MYT1L: variants seen among roughly 807,000 people sequenced by gnomAD.
The protein encoded by MYT1L is myelin transcription factor 1-like protein.
A neutral mutation model predicts 126.7 loss-of-function variants in MYT1L; 12 were observed. The observed-to-expected ratio is 0.09, with a 90% confidence interval of 0.06 to 0.15. The LOEUF is 0.15. Ranked by LOEUF, MYT1L falls within the 10% of genes least tolerant of loss-of-function variation. The pLI, the probability that MYT1L is intolerant of heterozygous loss-of-function variation, is 1.00. For missense variants in MYT1L, 979 were observed against 1,585.2 expected (o/e 0.62, Z 6.49); for synonymous variants, 541 against 604.2 (o/e 0.90, Z 1.53).
chr2:2,281,566 T>C (rs1184924267), intron 2 of MYT1L, among the ~76,000 whole-genome samples: 1 of 152,234 alleles, frequency 6.6e-6, no homozygotes, highest in African/African-American at 2.4e-5. Flanking sequence ...TATAGAGATT[T>C]AGCAGACTTA....
At chr2:1,802,535 T>C (rs1255232526) in intron 22 of MYT1L, among the ~76,000 whole-genome samples, 1 of 152,232 alleles carries the variant, frequency 6.6e-6, no homozygotes, top group Admixed American at 6.5e-5. Context: ...GCCAGAATGA[T>C]GACCTCGGCC....
chr2:1,981,256 A>T (rs1283153091), intron 5 of MYT1L, among the ~76,000 whole-genome samples: 2 of 152,212 alleles, frequency 1.3e-5, no homozygotes, highest in African/African-American at 4.8e-5. Context: ...ATAAAAACAT[A>T]AGCTCATTTA....
intron 3 of MYT1L, among the ~76,000 whole-genome samples, chr2:2,167,434 T>A (rs1447540356): frequency 6.6e-6 from 1 of 152,190 alleles, no homozygotes; most frequent in African/African-American, 2.4e-5. Flanking sequence ...CAACTTCTCC[T>A]GGACTCTGTC....
intron 19 of MYT1L, among the ~76,000 whole-genome samples, chr2:1,844,221 A>C (rs2042209530): frequency 6.6e-6 from 1 of 152,090 alleles, no homozygotes; most frequent in African/African-American, 2.4e-5. Context: ...CCCCTTCAGC[A>C]CTGAACACCC....
chr2:2,111,182 C>T (rs549426578), intron 3 of MYT1L, among the ~76,000 whole-genome samples: 9 of 152,190 alleles, frequency 5.9e-5, no homozygotes, highest in Non-Finnish European at 1.3e-4. Context: ...TAGCCCTGCT[C>T]ACTGGTCCCT....
At chr2:2,227,504 G>A (rs1477066345) in intron 2 of MYT1L, among the ~76,000 whole-genome samples, 5 of 152,124 alleles carry the variant, frequency 3.3e-5, no homozygotes, top group Non-Finnish European at 5.9e-5. Flanking sequence ...CCCAGGATGA[G>A]GCTTCCAGGT....
At position 1,912,007 on chromosome 2, in the gene MYT1L, A is replaced by C. The variant is rs767131287; in HGVS notation, c.1709+13T>G. ...GTGCTCCCTCCCACACCAGTGACCC[A>C]CGCGTGGCTTACCTTCGGTGGGAGT... On this transcript the variant is annotated intron_variant, in intron 12 of 24. Transcript: ENST00000647738. The surrounding 1 kb of genome is among the most constrained non-coding windows in gnomAD (Gnocchi z 4.3). 1.9e-6 allele frequency: 3 copies of C among 1,585,486 alleles called. No individual in the cohort carries two copies. Among genetic ancestry groups the C allele is most frequent in the Non-Finnish European group, 2.6e-6 (3 of 1,161,430 alleles).
chr2:1,847,807 G>A lies in MYT1L; in HGVS notation c.2774+3834C>T, dbSNP rs190802506. Among the ~76,000 whole-genome samples the A allele has an allele frequency of 2.7e-3, 405 of 152,352 alleles. 11 individuals carry two copies. The highest frequency in any genetic ancestry group is 0.023 in the Admixed American group (352 of 15,304). ...CGGAGAGTCGGCAAAGCAGCGGATA[G>A]AGGATTGTTTGATAGAACATCACAG... On this transcript the variant is annotated intron_variant, in intron 19 of 24. Transcript: ENST00000647738.
intron 2 of MYT1L, among the ~76,000 whole-genome samples, chr2:2,282,903 C>T (rs753413100): frequency 6.6e-6 from 1 of 152,114 alleles, no homozygotes; most frequent in Non-Finnish European, 1.5e-5. Context: ...GGTGAAACCC[C>T]GTCTTTACTA....
At chr2:2,160,460 C>A (rs2087678296) in intron 3 of MYT1L, among the ~76,000 whole-genome samples, 1 of 152,270 alleles carries the variant, frequency 6.6e-6, no homozygotes, top group African/African-American at 2.4e-5. Context: ...TCATCTGTAA[C>A]CTTGGATAAA....
At chr2:1,945,839 A>G (rs2057161859) in intron 8 of MYT1L, among the ~76,000 whole-genome samples, 1 of 152,194 alleles carries the variant, frequency 6.6e-6, no homozygotes, top group South Asian at 2.1e-4. Flanking sequence ...TTTGGAAACT[A>G]ATGATTGTCC....
intron 2 of MYT1L, among the ~76,000 whole-genome samples, chr2:2,181,533 T>C (rs761509645): frequency 2.1e-4 from 32 of 152,126 alleles, no homozygotes; most frequent in Non-Finnish European, 3.5e-4. Flanking sequence ...GTGATTTAAA[T>C]GTGCTATGAG....
At chr2:2,014,805 C>A (rs952740865) in intron 4 of MYT1L, among the ~76,000 whole-genome samples, 1 of 152,224 alleles carries the variant, frequency 6.6e-6, no homozygotes, top group African/African-American at 2.4e-5. Flanking sequence ...AGGCAGGTTT[C>A]CGGGGAAGAA....
intron 23 of MYT1L, among the ~76,000 whole-genome samples, chr2:1,797,117 G>T (rs2033711081): frequency 6.6e-6 from 1 of 152,138 alleles, no homozygotes; most frequent in Admixed American, 6.5e-5. Context: ...TTCAGCCCTT[G>T]AAGCTGAGGC....
chr2:2,134,950 C>A (rs1055311108), intron 3 of MYT1L, among the ~76,000 whole-genome samples: 1 of 152,136 alleles, frequency 6.6e-6, no homozygotes, highest in Admixed American at 6.5e-5. Flanking sequence ...TACCATCTGC[C>A]TTCTTGCTTT....
At chr2:1,842,927 AGGCGCTTCCG>A (rs2041981122) in intron 19 of MYT1L, 2 of 176,412 alleles carry the variant, frequency 1.1e-5, no homozygotes, top group African/African-American at 2.4e-5. Context: ...TTCCGCTTCC[AGGCGCTTCCG>A]CTTCCAGGCG....
intron 2 of MYT1L, among the ~76,000 whole-genome samples, chr2:2,203,992 C>G (rs1233025200): frequency 6.6e-6 from 1 of 152,050 alleles, no homozygotes; most frequent in Non-Finnish European, 1.5e-5. Context: ...ACAAACCTAA[C>G]AAAAACAAGA....
chr2:2,318,052 C>A (rs895126346), intron 1 of MYT1L, among the ~76,000 whole-genome samples: 1 of 152,144 alleles, frequency 6.6e-6, no homozygotes, highest in Non-Finnish European at 1.5e-5. Flanking sequence ...GCCGTTTTTG[C>A]AATGCTGACT....
chr2:2,308,985 C>A (rs149788365), intron 1 of MYT1L, among the ~76,000 whole-genome samples: 2 of 151,906 alleles, frequency 1.3e-5, no homozygotes, highest in Non-Finnish European at 2.9e-5. Context: ...TCTACCTATA[C>A]TTCACCTACA....
Sources: gnomAD v4.1 joint callset for allele counts (sites outside exome capture counted in the v4.1 genomes callset) on GRCh38, gnomAD v4.1.1 for gene constraint, Gnocchi (gnomAD v3.1) non-coding constraint, MANE v1.5 for transcripts, NCBI Gene and HGNC (gene_info 2026-07-23, HGNC 2026-07-21) for gene names.